The following SPACDR variants were observed in gnomAD, a reference collection of about 807,000 sequenced individuals.
SPACDR encodes the protein sperm acrosome developmental regulator.
the SPACDR span, among the ~76,000 whole-genome samples, chr7:100,463,043 G>A: frequency 1.3e-5 from 2 of 150,788 alleles, no homozygotes; most frequent in Non-Finnish European, 3.0e-5. Context: ...GGTGGAGGTT[G>A]CAGTGAGCCG....
the SPACDR span, chr7:100,463,322 G>A: frequency 6.7e-7 from 1 of 1,488,446 alleles, no homozygotes; most frequent in South Asian, 1.3e-5. Context: ...GAGTCACTGG[G>A]GGCTGGGGAA....
the SPACDR span, among the ~76,000 whole-genome samples, chr7:100,463,127 GAAGAAAAAGAAA>G: frequency 1.3e-5 from 2 of 150,274 alleles, no homozygotes; most frequent in Non-Finnish European, 3.0e-5. Context: ...AAAAAGAAAG[GAAGAAAAAGAAA>G]AAGAAAAAGA....
At chr7:100,457,044 G>A in the SPACDR span, 15 of 1,272,532 alleles carry the variant, frequency 1.2e-5, no homozygotes, top group African/African-American at 4.4e-5. Flanking sequence ...AGAAACTGCC[G>A]CTAGAACGAC....
At chr7:100,463,403 A>G in the SPACDR span, 1 of 1,612,716 alleles carries the variant, frequency 6.2e-7, no homozygotes, top group Non-Finnish European at 8.5e-7. Flanking sequence ...CAGGGCAGAG[A>G]CCATGAGCGT....
chr7:100,460,836 C>G, the SPACDR span, among the ~76,000 whole-genome samples: 1 of 151,940 alleles, frequency 6.6e-6, no homozygotes, highest in Non-Finnish European at 1.5e-5. Context: ...GATGGGGTCT[C>G]CCTGTGTTGC....
the SPACDR span, among the ~76,000 whole-genome samples, chr7:100,458,360 CAG>C: frequency 1.3e-5 from 2 of 151,834 alleles, no homozygotes; most frequent in Non-Finnish European, 2.9e-5. Context: ...CAAAACAAAA[CAG>C]AAAGCTACAG....
the SPACDR span, chr7:100,463,355 G>A: frequency 1.9e-6 from 3 of 1,577,624 alleles, no homozygotes; most frequent in Non-Finnish European, 1.7e-6. Flanking sequence ...TGTTAGGATG[G>A]TGCTGACCTT....
the SPACDR span, among the ~76,000 whole-genome samples, chr7:100,460,611 G>C: frequency 2.6e-5 from 4 of 151,034 alleles, no homozygotes; most frequent in Non-Finnish European, 1.5e-5. Context: ...GAGAGAGAGA[G>C]AGAGAAATGA....
chr7:100,459,497 C>T, the SPACDR span, among the ~76,000 whole-genome samples: 14 of 150,918 alleles, frequency 9.3e-5, no homozygotes, highest in African/African-American at 2.9e-4. Context: ...ACCATGTTGG[C>T]CGGGCTGGTC....
chr7:100,460,436 C>T, the SPACDR span, among the ~76,000 whole-genome samples: 2 of 151,768 alleles, frequency 1.3e-5, no homozygotes, highest in Non-Finnish European at 2.9e-5. Flanking sequence ...ACTAAAAATA[C>T]AAAAGTTAGT....
the SPACDR span, chr7:100,463,907 C>A: frequency 6.4e-7 from 1 of 1,556,478 alleles, no homozygotes; most frequent in Non-Finnish European, 8.8e-7. Flanking sequence ...GGGGCTGCTG[C>A]GACCCATGCC....
chr7:100,461,903 G>A, the SPACDR span, among the ~76,000 whole-genome samples: 2 of 149,286 alleles, frequency 1.3e-5, no homozygotes, highest in Non-Finnish European at 3.0e-5. Flanking sequence ...TGAGGCAGGA[G>A]AACGGTGTGA....
the SPACDR span, among the ~76,000 whole-genome samples, chr7:100,459,458 T>C: frequency 6.6e-6 from 1 of 151,728 alleles, no homozygotes; most frequent in East Asian, 1.9e-4. Flanking sequence ...CAGATAATTT[T>C]TTTGTATTTT....
At chr7:100,464,043 A>T in the SPACDR span, 1 of 1,391,646 alleles carries the variant, frequency 7.2e-7, no homozygotes. Flanking sequence ...GATGGGAAAA[A>T]CACAGAAGAA....
the SPACDR span, among the ~76,000 whole-genome samples, chr7:100,457,797 ATATATATGTG>A: frequency 1.8e-4 from 4 of 22,046 alleles, no homozygotes; most frequent in African/African-American, 6.5e-4. Flanking sequence ...ACTTTTATAT[ATATATATGTG>A]TGTGTGTGTG....
At chr7:100,456,801 C>CG in the SPACDR span, 43 of 1,613,052 alleles carry the variant, frequency 2.7e-5, no homozygotes, top group Middle Eastern at 1.7e-4. Context: ...CGGGTTGGGT[C>CG]GGGGGGCAGC....
the SPACDR span, chr7:100,463,347 T>G: frequency 1.9e-6 from 3 of 1,550,244 alleles, no homozygotes; most frequent in Non-Finnish European, 2.6e-6. Context: ...GGAGGGGGTG[T>G]TAGGATGGTG....
the SPACDR span, among the ~76,000 whole-genome samples, chr7:100,458,407 AAAAC>A: frequency 6.6e-6 from 1 of 152,256 alleles, no homozygotes; most frequent in Admixed American, 6.6e-5. Context: ...GCAAAAAACA[AAAAC>A]AAAACAAAAA....
At chr7:100,462,043 C>T in the SPACDR span, among the ~76,000 whole-genome samples, 1 of 150,988 alleles carries the variant, frequency 6.6e-6, no homozygotes, top group African/African-American at 2.4e-5. Flanking sequence ...TAACATGCCT[C>T]TCTCCTGGGG....
Sources: gnomAD v4.1 joint callset for allele counts (sites outside exome capture counted in the v4.1 genomes callset) on GRCh38, gnomAD v4.1.1 for gene constraint, MANE v1.5 for transcripts, NCBI Gene and HGNC (gene_info 2026-07-23, HGNC 2026-07-21) for gene names.